CCDC9: variants seen among roughly 807,000 people sequenced by gnomAD.
CCDC9 encodes the protein coiled-coil domain-containing protein 9.
Under a neutral mutation model 65.6 loss-of-function variants are expected in CCDC9, and 52 were observed. The ratio of observed to expected loss-of-function variants is 0.79; its 90% CI spans 0.63 to 1.00. The LOEUF is 1.00. CCDC9 is among the 50% of genes least tolerant of loss of function. CCDC9 has a pLI of 0.00. For synonymous variants in CCDC9, 332 were observed against 280.3 expected (o/e 1.18, Z -1.84); for missense variants, 834 against 757.2 (o/e 1.10, Z -1.19).
Position 47,260,720 on chromosome 19 carries a change from A to G in CCDC9, c.343A>G (p.Ser115Gly), listed in dbSNP as rs1271709463. 6.3e-7 allele frequency: 1 copy of G among 1,586,282 alleles called. No homozygotes were observed. Among genetic ancestry groups the G allele is most frequent in the Non-Finnish European group, 8.6e-7 (1 of 1,169,396 alleles). ...MGRASRSWEGSPGEQPRGGGA... is the reference protein window; with the variant it reads ...MGRASRSWEGGPGEQPRGGGA... The stretch of plus-strand genomic sequence containing the variant: ...CCGAGCATCGCGCAGCTGGGAGGGC[A>G]GCCCCGGGGAGCAGCCTCGAGGAGG... Residue 115 changes from serine (S) to glycine (G), a missense_variant, in exon 5 of 12, where the codon AGC becomes GGC. Physicochemically the swap from Ser to Gly is moderately conservative, Grantham distance 56 (BLOSUM62 0). Coordinates refer to ENST00000221922, the MANE Select transcript of CCDC9 (RefSeq NM_015603.3).
chr19:47,275,647 A>C (rs2059155902), downstream of CCDC9: 2 of 443,342 alleles, frequency 4.5e-6, no homozygotes, highest in South Asian at 4.3e-5. Context: ...CTGCCTCTTC[A>C]CCTCCCTGAA....
rs748039161 is a variant in CCDC9 at position 47,264,821 on chromosome 19, C to T, written c.595C>T (p.Arg199Trp). The T allele has an allele frequency of 6.7e-5, 104 of 1,562,982 alleles. 2 individuals carry two copies. Among genetic ancestry groups the T allele is most frequent in the South Asian group, 3.5e-4 (29 of 83,504 alleles). The change falls in exon 7 of 12, where the codon CGG (arginine) becomes TGG (tryptophan). Residue 199 changes from arginine to tryptophan, a missense_variant. By Grantham distance (101) the Arg-to-Trp change is moderately radical (BLOSUM62 -3). Coordinates refer to ENST00000221922, the MANE Select transcript of CCDC9 (RefSeq NM_015603.3). ...AGTGCGGAACTTCCTGGACGACCCC[C>T]GGCGACGCAGCGGGCCCCTGGAGGA... ...NPVRNFLDDP[R>W]RRSGPLEESE...
chr19:47,274,850 GGGTGGGGGCGGGGCCT>G (rs1222759965), downstream of CCDC9: 3,537 of 1,111,260 alleles, frequency 3.2e-3, 116 homozygotes, highest in African/African-American at 0.049. Flanking sequence ...GCGGTCTGCG[GGGTGGGGGCGGGGCCT>G]GGTGGGGGCG....
Position 47,258,375 on chromosome 19 carries a change from G to C in CCDC9, c.-26G>C. On this transcript the variant is annotated 5_prime_UTR_variant, in exon 2 of 12. Transcript: ENST00000221922. ...AGATTCTGCAGGGGAGGTTTGCTGG[G>C]ACCTTGGCTCCACGCAGCCAGCGAA... is the stretch of plus-strand genomic sequence containing the variant. 1.9e-6 allele frequency: 3 copies of C among 1,613,768 alleles called. No homozygotes were observed. Among genetic ancestry groups the C allele is most frequent in the Non-Finnish European group, 2.5e-6 (3 of 1,179,758 alleles).
chr19:47,257,343 T>A (rs1453160391), intron 1 of CCDC9, among the ~76,000 whole-genome samples: 1 of 145,730 alleles, frequency 6.9e-6, no homozygotes, highest in Non-Finnish European at 1.5e-5. Flanking sequence ...GGGTGTAGGC[T>A]GTTGCCTGCG....
At chr19:47,267,396 C>T (rs990281116) in intron 8 of CCDC9, among the ~76,000 whole-genome samples, 6 of 152,060 alleles carry the variant, frequency 3.9e-5, no homozygotes, top group Non-Finnish European at 5.9e-5. Flanking sequence ...CTCCTGCCTC[C>T]GCCTCCTGAG....
rs2059017445 is a variant in CCDC9, at chr19:47,257,379, G to C, written c.-72+770G>C. ...AGCCAGGAGGCGGGGAAAGAGCGTG[G>C]CTGGGAAAGTCGGGAGCGGGGCCAC... is the stretch of plus-strand genomic sequence containing the variant. On this transcript the variant is annotated intron_variant, in intron 1 of 11. Transcript: ENST00000221922. Among the ~76,000 whole-genome samples, 7 of 150,414 alleles carry C rather than the reference G, an allele frequency of 4.7e-5. No homozygotes were observed. In the South Asian group the frequency reaches 1.5e-3, roughly 32 times the overall value.
chr19:47,270,708 G>T lies in CCDC9; in HGVS notation c.1085+20G>T. The T allele has an allele frequency of 1.9e-6, 3 of 1,603,570 alleles. No individual in the cohort carries two copies. The highest frequency in any genetic ancestry group is 2.5e-6 in the Non-Finnish European group (3 of 1,177,230). ...CTACAGGTGGGGCACCCCTTCTGCGGGCTTGCATACCCCCAGGGCTCTCCG... is the reference window on the plus strand; with the variant it reads ...CTACAGGTGGGGCACCCCTTCTGCGTGCTTGCATACCCCCAGGGCTCTCCG... On this transcript the variant is annotated intron_variant, in intron 10 of 11. Coordinates refer to ENST00000221922, the MANE Select transcript of CCDC9 (RefSeq NM_015603.3).
intron 5 of CCDC9, among the ~76,000 whole-genome samples, chr19:47,263,536 T>C (rs2123457129): frequency 6.6e-6 from 1 of 152,274 alleles, no homozygotes; most frequent in African/African-American, 2.4e-5. Flanking sequence ...GCTGGTTTAT[T>C]TTTATTTATT....
At chr19:47,273,391 C>T (rs1475976986), downstream of CCDC9, 2 of 1,231,904 alleles carry the variant, frequency 1.6e-6, no homozygotes, top group Non-Finnish European at 2.0e-6. Context: ...CGGCGGAGAT[C>T]ACCGACTTCC....
intron 1 of CCDC9, chr19:47,258,036 G>A: frequency 6.1e-6 from 2 of 326,104 alleles, no homozygotes; most frequent in Admixed American, 4.7e-5. Context: ...AGCCTTTGGA[G>A]GAGAGCAGTG....
At chr19:47,275,041 C>T (rs756117594), downstream of CCDC9, 64 of 1,490,500 alleles carry the variant, frequency 4.3e-5, no homozygotes, top group Middle Eastern at 3.5e-4. Context: ...CTCTGCGTCT[C>T]GCTAGCTGCC....
At chr19:47,268,660 G>A (rs1334594054) in intron 8 of CCDC9, among the ~76,000 whole-genome samples, 1 of 152,128 alleles carries the variant, frequency 6.6e-6, no homozygotes, top group Non-Finnish European at 1.5e-5. Flanking sequence ...GCTCACGTCT[G>A]TAATCCCAGC....
At chr19:47,266,551 G>C (rs2059083490) in intron 7 of CCDC9, 60 bp from the exon 8 acceptor site, 2 of 1,449,856 alleles carry the variant, frequency 1.4e-6, no homozygotes, top group Admixed American at 5.4e-5. Context: ...TGTGCCTCGG[G>C]GCTTAGGGGC....
intron 5 of CCDC9, among the ~76,000 whole-genome samples, chr19:47,261,735 A>T (rs890731691): frequency 6.8e-6 from 1 of 147,706 alleles, no homozygotes; most frequent in African/African-American, 2.5e-5. Context: ...AAAAAAAAAA[A>T]TGCTGGGCGT....
At chr19:47,275,512 G>A, downstream of CCDC9, 2 of 988,710 alleles carry the variant, frequency 2.0e-6, no homozygotes, top group Admixed American at 6.6e-5. Flanking sequence ...TGTCAGCTCG[G>A]GGCCTTGCCT....
rs761143471 is a variant in CCDC9, at chr19:47,271,724, TGTGTGTGTGCGCGCGCGCGCGC to T, written c.*48_*69del. The stretch of plus-strand genomic sequence containing the variant: ...GTGTGTGTGTGTGTGTGTGTGTGTG[TGTGTGTGTGCGCGCGCGCGCGC>T]GCGCGCGCGCGCGCTAGAGGGGTGT... On this transcript the variant is annotated 3_prime_UTR_variant, in exon 12 of 12. Coordinates refer to ENST00000221922, the MANE Select transcript of CCDC9 (RefSeq NM_015603.3). 641 of 1,265,666 alleles carry T rather than the reference TGTGTGTGTGCGCGCGCGCGCGC, an allele frequency of 5.1e-4. No individual in the cohort carries two copies. In the African/African-American group the frequency reaches 6.4e-3, roughly 13 times the overall value. 78.4% of individuals were successfully genotyped at this position (1,265,666 alleles called of 1,614,324 possible).
intron 7 of CCDC9, among the ~76,000 whole-genome samples, chr19:47,265,941 C>T (rs2059078865): frequency 6.8e-6 from 1 of 147,566 alleles, no homozygotes; most frequent in South Asian, 2.1e-4. Flanking sequence ...CCGCCTCAGC[C>T]TCCCAAAGTG....
At chr19:47,275,330 G>A (rs1385695846), downstream of CCDC9, 4 of 1,545,772 alleles carry the variant, frequency 2.6e-6, no homozygotes, top group Admixed American at 7.9e-5. Context: ...AGGCCGCGGA[G>A]GGGCGAAGAC....
Sources: allele counts gnomAD v4.1 joint callset (sites outside exome capture counted in the v4.1 genomes callset), GRCh38; gene constraint gnomAD v4.1.1; transcripts MANE v1.5; gene names NCBI Gene and HGNC (gene_info 2026-07-23, HGNC 2026-07-21).